Variants in DGKI observed in about 807,000 individuals in gnomAD.
DGKI encodes diacylglycerol kinase iota, also known as DAG kinase iota.
DGKI carries 55 observed loss-of-function variants against 147.5 expected under a neutral mutation model. That is an observed-to-expected ratio of 0.37 (90% confidence interval 0.30 to 0.47). DGKI has a LOEUF of 0.47. Ranked by LOEUF, DGKI falls within the 20% of genes least tolerant of loss-of-function variation. The pLI, the probability that DGKI is intolerant of heterozygous loss-of-function variation, is 1.00. For synonymous variants in DGKI, 469 were observed against 477.1 expected (o/e 0.98, Z 0.22); for missense variants, 1,007 against 1,323.8 (o/e 0.76, Z 3.71).
At chr7:137,600,210 T>C (rs568946622) in intron 10 of DGKI, among the ~76,000 whole-genome samples, 3 of 152,020 alleles carry the variant, frequency 2.0e-5, no homozygotes, top group African/African-American at 7.2e-5. Flanking sequence ...GATCACACCA[T>C]TGCACTCCAG....
chr7:137,472,128 T>TAC (rs1352401451), intron 23 of DGKI, among the ~76,000 whole-genome samples: 3 of 124,104 alleles, frequency 2.4e-5, no homozygotes, highest in Non-Finnish European at 4.7e-5. Flanking sequence ...TAAATATATA[T>TAC]ACACATATAT....
intron 21 of DGKI, among the ~76,000 whole-genome samples, chr7:137,498,580 T>C (rs1016954167): frequency 6.6e-6 from 1 of 152,088 alleles, no homozygotes; most frequent in East Asian, 1.9e-4. Context: ...AAATTTGGAA[T>C]GTTTTTGAAC....
intron 27 of DGKI, among the ~76,000 whole-genome samples, chr7:137,456,429 A>C (rs530423859): frequency 6.6e-6 from 1 of 152,180 alleles, no homozygotes; most frequent in Non-Finnish European, 1.5e-5. Context: ...TTTTCTATCA[A>C]GGGATGTTCT....
At chr7:137,399,992 C>T (rs1382873367) in intron 30 of DGKI, among the ~76,000 whole-genome samples, 1 of 152,016 alleles carries the variant, frequency 6.6e-6, no homozygotes, top group African/African-American at 2.4e-5. Context: ...ACAGGTACTG[C>T]TTCAACTTTA....
chr7:137,479,375 T>C (rs1815291578), intron 23 of DGKI, among the ~76,000 whole-genome samples: 1 of 152,182 alleles, frequency 6.6e-6, no homozygotes, highest in Non-Finnish European at 1.5e-5. Context: ...ACGTTTCTTG[T>C]GCTAAAAATA....
chr7:137,463,300 T>C (rs929615345), intron 27 of DGKI, among the ~76,000 whole-genome samples, 189 bp downstream of exon 27: 1 of 151,504 alleles, frequency 6.6e-6, no homozygotes, highest in African/African-American at 2.4e-5. Context: ...GAAGGTGGAG[T>C]TCCATGAACG....
intron 27 of DGKI, among the ~76,000 whole-genome samples, chr7:137,461,494 TG>T (rs1417819842): frequency 4.6e-5 from 7 of 152,184 alleles, no homozygotes; most frequent in Non-Finnish European, 8.8e-5. Context: ...AAGAAATAAA[TG>T]GACATAATAA....
At chr7:137,630,886 A>G (rs1821101309) in intron 6 of DGKI, among the ~76,000 whole-genome samples, 1 of 152,212 alleles carries the variant, frequency 6.6e-6, no homozygotes, top group Admixed American at 6.5e-5. Context: ...CATTATGACA[A>G]TGCTGATCCA....
At chr7:137,528,587 A>G (rs1348489745) in intron 20 of DGKI, among the ~76,000 whole-genome samples, 1 of 152,162 alleles carries the variant, frequency 6.6e-6, no homozygotes, top group Non-Finnish European at 1.5e-5. Flanking sequence ...AGGTAATAGG[A>G]TATGTTACAG....
chr7:137,811,390 A>T (rs200173560), intron 1 of DGKI, among the ~76,000 whole-genome samples: 48,872 of 118,692 alleles, frequency 0.41, 9,062 homozygotes, highest in Middle Eastern at 0.48. Flanking sequence ...TCTCTCACAC[A>T]CACACACACA....
chr7:137,572,701 G>C (rs1462589864), intron 18 of DGKI, 64 bp downstream of exon 18: 1 of 1,145,312 alleles, frequency 8.7e-7, no homozygotes, highest in South Asian at 1.5e-5. Context: ...TTTCTGTTAT[G>C]AAAACAGATA....
At chr7:137,729,183 C>T (rs567824092) in intron 1 of DGKI, among the ~76,000 whole-genome samples, 3 of 152,134 alleles carry the variant, frequency 2.0e-5, no homozygotes, top group Admixed American at 1.3e-4. Context: ...AAAAATACTG[C>T]CTACTAATAC....
intron 1 of DGKI, among the ~76,000 whole-genome samples, chr7:137,719,879 T>TA (rs1440855904): frequency 6.6e-6 from 1 of 152,018 alleles, no homozygotes; most frequent in Non-Finnish European, 1.5e-5. Context: ...AAGTTCTGAA[T>TA]AAAAAAAGAC....
At chr7:137,422,729 C>T (rs535599685) in intron 28 of DGKI, among the ~76,000 whole-genome samples, 28 of 149,844 alleles carry the variant, frequency 1.9e-4, no homozygotes, top group East Asian at 4.0e-4. Flanking sequence ...CTCAGCCTCT[C>T]GAGTAGCTGG....
intron 21 of DGKI, among the ~76,000 whole-genome samples, chr7:137,507,886 G>C (rs977721217): frequency 1.3e-5 from 2 of 152,154 alleles, no homozygotes; most frequent in East Asian, 3.9e-4. Context: ...TCTTCCACGA[G>C]GAGCTGTGAA....
intron 20 of DGKI, among the ~76,000 whole-genome samples, chr7:137,532,134 C>T (rs1466668746): frequency 6.6e-6 from 1 of 151,948 alleles, no homozygotes; most frequent in Admixed American, 6.6e-5. Flanking sequence ...ACAGATATTG[C>T]TATCTTAAAA....
chr7:137,635,182 G>A (rs1821266752), intron 6 of DGKI, among the ~76,000 whole-genome samples: 2 of 152,206 alleles, frequency 1.3e-5, no homozygotes, highest in African/African-American at 2.4e-5. Context: ...CAATGGGCTT[G>A]TAAGTGCAGT....
At chr7:137,578,863 G>T (rs2128979717) in intron 15 of DGKI, among the ~76,000 whole-genome samples, 1 of 152,270 alleles carries the variant, frequency 6.6e-6, no homozygotes, top group Admixed American at 6.5e-5. Context: ...TTTTGAGTTT[G>T]ATTTGTGTTT....
chr7:137,466,532 C>T (rs1327734747), intron 25 of DGKI, among the ~76,000 whole-genome samples: 1 of 151,966 alleles, frequency 6.6e-6, no homozygotes, highest in Non-Finnish European at 1.5e-5. Context: ...CGAACTGAAA[C>T]TAAGTAGTCT....
Sources: gnomAD v4.1 joint callset for allele counts (sites outside exome capture counted in the v4.1 genomes callset) on GRCh38, gnomAD v4.1.1 for gene constraint, MANE v1.5 for transcripts, NCBI Gene and HGNC (gene_info 2026-07-23, HGNC 2026-07-21) for gene names.